SRBD1: variants seen among roughly 807,000 people sequenced by gnomAD.
SRBD1 encodes S1 RNA-binding domain-containing protein 1.
A neutral mutation model predicts 115.3 loss-of-function variants in SRBD1; 88 were observed. The ratio of observed to expected loss-of-function variants is 0.76; its 90% confidence interval spans 0.64 to 0.91. The LOEUF is 0.91. Among genes scored for constraint, SRBD1 ranks in the 40% least tolerant of loss-of-function variants. The pLI is 0.00. For synonymous variants in SRBD1, 509 were observed against 407.7 expected, an observed-to-expected ratio of 1.25 and a Z score of -2.99; for missense variants, 1,385 against 1,177.4, an observed-to-expected ratio of 1.18 and a Z score of -2.58.
At position 45,545,315 on chromosome 2, in the gene SRBD1, A is replaced by AAAAAAAAAC. The variant is rs1209226372; in HGVS notation, c.1874+1416_1874+1417insGTTTTTTTT. On this transcript the variant is annotated intron_variant, in intron 14 of 20. Coordinates refer to ENST00000263736, the MANE Select transcript of SRBD1 (RefSeq NM_018079.5). ...AAAAAAAAAAAAAAAAAAAAAAAAA[A>AAAAAAAAAC]CAGATGAACCCAGATTTGTCTGACC... is the stretch of plus-strand genomic sequence containing the variant. Among the ~76,000 whole-genome samples, 184 of 123,604 alleles carry AAAAAAAAAC rather than the reference A, an allele frequency of 1.5e-3. 7 individuals are homozygous for AAAAAAAAAC. The highest frequency in any genetic ancestry group is 0.014 in the East Asian group (54 of 3,982). 81.1% of individuals were successfully genotyped at this position (123,604 alleles called of 152,430 possible).
intron 10 of SRBD1, among the ~76,000 whole-genome samples, chr2:45,561,708 T>C (rs1464888844): frequency 2.0e-5 from 3 of 152,174 alleles, no homozygotes; most frequent in Non-Finnish European, 4.4e-5. Flanking sequence ...TGAGGATCAA[T>C]TACACTCTGA....
intron 2 of SRBD1, among the ~76,000 whole-genome samples, chr2:45,603,393 C>A (rs1674162066): frequency 6.6e-6 from 1 of 152,172 alleles, no homozygotes; most frequent in Admixed American, 6.5e-5. Context: ...TACTTCCTGG[C>A]AGCTTCTCTT....
intron 16 of SRBD1, among the ~76,000 whole-genome samples, chr2:45,428,704 G>A (rs1022745910): frequency 6.6e-6 from 1 of 152,008 alleles, no homozygotes; most frequent in South Asian, 2.1e-4. Flanking sequence ...ATGCCCACAG[G>A]GGAAAGTGGG....
In SRBD1 at chr2:45,544,228, G is replaced by A. The variant is rs1411252804; in HGVS notation, c.1874+2504C>T. ...CGCCTGGGTAACAAAGCAAGACTCCGGCTCAAAAAAAAAAAAAAAAAAAAA... is the reference window on the plus strand; with the variant it reads ...CGCCTGGGTAACAAAGCAAGACTCCAGCTCAAAAAAAAAAAAAAAAAAAAA... On this transcript the variant is annotated intron_variant, in intron 14 of 20. Coordinates refer to ENST00000263736, the MANE Select transcript of SRBD1 (RefSeq NM_018079.5). Among the ~76,000 whole-genome samples, 15 of 124,638 alleles carry A rather than the reference G, an allele frequency of 1.2e-4. No individual in the cohort carries two copies. In the East Asian group the frequency reaches 1.4e-3, roughly 12 times the overall value. The allele number at this position is 124,638 out of a possible 152,430, so 81.8% of individuals were successfully genotyped here. A position where few individuals can be genotyped will look rare whatever the true frequency, so the allele number is the denominator to read the frequency against.
At chr2:45,422,439 C>G (rs989412480) in intron 16 of SRBD1, among the ~76,000 whole-genome samples, 4 of 152,100 alleles carry the variant, frequency 2.6e-5, no homozygotes, top group African/African-American at 9.7e-5. Flanking sequence ...GGGTTATGAT[C>G]AATTAGTGGA....
At chr2:45,425,220 A>G (rs536976596) in intron 16 of SRBD1, among the ~76,000 whole-genome samples, 1 of 152,214 alleles carries the variant, frequency 6.6e-6, no homozygotes, top group African/African-American at 2.4e-5. Context: ...GACTGAGACA[A>G]TGAAAACTAT....
At chr2:45,552,962 C>G (rs1672350064) in intron 11 of SRBD1, among the ~76,000 whole-genome samples, 1 of 151,912 alleles carries the variant, frequency 6.6e-6, no homozygotes, top group Non-Finnish European at 1.5e-5. Flanking sequence ...CTTGCTGAAA[C>G]CTACAAAGAA....
intron 20 of SRBD1, among the ~76,000 whole-genome samples, chr2:45,392,614 T>C (rs1279025924): frequency 6.6e-6 from 1 of 152,228 alleles, no homozygotes; most frequent in Non-Finnish European, 1.5e-5. Context: ...CTTGCACTTC[T>C]GGCTCCCAAG....
chr2:45,393,732 TA>T (rs1431239249), intron 19 of SRBD1, among the ~76,000 whole-genome samples: 3 of 152,220 alleles, frequency 2.0e-5, no homozygotes, highest in Admixed American at 2.0e-4. Flanking sequence ...ACATATATTT[TA>T]AAAATGAGGC....
intron 9 of SRBD1, among the ~76,000 whole-genome samples, chr2:45,572,614 A>G (rs1673054013): frequency 6.6e-6 from 1 of 152,128 alleles, no homozygotes. Flanking sequence ...AAGCCATACA[A>G]AGAAATAAAG....
At chr2:45,482,608 CGTT>C (rs1669999003) in intron 15 of SRBD1, among the ~76,000 whole-genome samples, 5 of 101,230 alleles carry the variant, frequency 4.9e-5, no homozygotes, top group Non-Finnish European at 8.1e-5. Context: ...CTATTCACAA[CGTT>C]AAACACACAC....
At chr2:45,581,847 A>T in intron 5 of SRBD1, 37 bp from the exon 6 acceptor site, 1 of 1,513,036 alleles carries the variant, frequency 6.6e-7, no homozygotes. Context: ...CCAAAACTGT[A>T]TGTCAAAACT....
chr2:45,474,920 A>G (rs1452565283), intron 16 of SRBD1, among the ~76,000 whole-genome samples: 1 of 152,192 alleles, frequency 6.6e-6, no homozygotes, highest in Admixed American at 6.5e-5. Flanking sequence ...CTGAATATGC[A>G]GCTGATGATG....
intron 14 of SRBD1, among the ~76,000 whole-genome samples, chr2:45,531,357 G>A (rs545299537): frequency 4.0e-5 from 6 of 151,774 alleles, no homozygotes; most frequent in South Asian, 2.1e-4. Context: ...ATTTCAATAC[G>A]TAAAAACGCA....
intron 14 of SRBD1, among the ~76,000 whole-genome samples, chr2:45,543,199 A>T (rs1672002426): frequency 6.6e-6 from 1 of 152,220 alleles, no homozygotes; most frequent in South Asian, 2.1e-4. Flanking sequence ...GCATGGTTAC[A>T]TTCTGCAACT....
chr2:45,414,377 T>C (rs1351418097), intron 18 of SRBD1, among the ~76,000 whole-genome samples: 2 of 152,004 alleles, frequency 1.3e-5, no homozygotes, highest in Non-Finnish European at 2.9e-5. Flanking sequence ...ATTAAATAAG[T>C]GCTCATGAAT....
chr2:45,414,464 G>A (rs1014853888), intron 18 of SRBD1, among the ~76,000 whole-genome samples: 1 of 145,894 alleles, frequency 6.9e-6, no homozygotes, highest in Non-Finnish European at 1.5e-5. Context: ...AGTATGTATA[G>A]TGTGTATATA....
chr2:45,483,803 T>C lies in SRBD1; in HGVS notation c.1966+4437A>G, dbSNP rs536620579. On this transcript the variant is annotated intron_variant, in intron 15 of 20. Coordinates refer to ENST00000263736, the MANE Select transcript of SRBD1 (RefSeq NM_018079.5). ...AGAATTTTTTCACTATAATGCTTATTAAAATGTAGTTTTAGAAGTCGATGC... is the reference window on the plus strand; with the variant it reads ...AGAATTTTTTCACTATAATGCTTATCAAAATGTAGTTTTAGAAGTCGATGC... 9.2e-5 allele frequency among the ~76,000 whole-genome samples: 14 copies of C among 152,246 alleles called. No individual in the cohort carries two copies. In the South Asian group the frequency reaches 2.9e-3, roughly 32 times the overall value.
chr2:45,542,000 T>G lies in SRBD1; in HGVS notation c.1874+4732A>C, dbSNP rs1013957965. Among the ~76,000 whole-genome samples the G allele has an allele frequency of 4.6e-5, 7 of 152,060 alleles. No individual in the cohort carries two copies. In the South Asian group the frequency reaches 1.3e-3, roughly 27 times the overall value. On this transcript the variant is annotated intron_variant, in intron 14 of 20. Transcript: ENST00000263736. Reference sequence around the variant, plus strand: ...CTTCACGTAGGCCCTGGCTTGGAGGTGGGGGTTTCACTGAGACCTGCCCCT... The same window carrying G: ...CTTCACGTAGGCCCTGGCTTGGAGGGGGGGGTTTCACTGAGACCTGCCCCT...
Sources: gnomAD v4.1 joint callset for allele counts (sites outside exome capture counted in the v4.1 genomes callset) on GRCh38, gnomAD v4.1.1 for gene constraint, MANE v1.5 for transcripts, NCBI Gene and HGNC (gene_info 2026-07-23, HGNC 2026-07-21) for gene names.